PRKCH: variants seen among roughly 807,000 people sequenced by gnomAD.
The protein encoded by PRKCH is protein kinase C eta, also known as protein kinase C eta type.
PRKCH carries 28 observed loss-of-function variants against 82.5 expected under a neutral mutation model. The ratio of observed to expected loss-of-function variants is 0.34; its 90% CI spans 0.25 to 0.47. The LOEUF (loss-of-function observed/expected upper bound fraction) is 0.47. Among genes scored for constraint, PRKCH ranks in the 20% least tolerant of loss-of-function variants. The pLI, the probability that PRKCH is intolerant of heterozygous loss-of-function variation, is 1.00. For missense variants in PRKCH, 705 were observed against 881.8 expected (o/e 0.80, Z 2.54); for synonymous variants, 322 against 327.4 (o/e 0.98, Z 0.18).
intron 1 of PRKCH, among the ~76,000 whole-genome samples, chr14:61,276,206 A>T (rs1416533825): frequency 1.3e-5 from 2 of 152,116 alleles, no homozygotes; most frequent in African/African-American, 4.8e-5. Context: ...GAGGAGACTT[A>T]AGAGACATTT....
intron 1 of PRKCH, among the ~76,000 whole-genome samples, chr14:61,377,220 A>G (rs538743393): frequency 6.6e-6 from 1 of 152,194 alleles, no homozygotes; most frequent in South Asian, 2.1e-4. Context: ...CCCACCTCTC[A>G]GATTGTATTT....
At chr14:61,371,927 G>T (rs1394857352) in intron 1 of PRKCH, among the ~76,000 whole-genome samples, 1 of 152,066 alleles carries the variant, frequency 6.6e-6, no homozygotes, top group East Asian at 1.9e-4. Flanking sequence ...ATTTGTATCA[G>T]TATGGACTCA....
intron 1 of PRKCH, among the ~76,000 whole-genome samples, chr14:61,207,951 G>A (rs1489863751): frequency 6.6e-6 from 1 of 152,178 alleles, no homozygotes; most frequent in African/African-American, 2.4e-5. Context: ...AGCCTGACAT[G>A]GACATTAGTC....
intron 2 of PRKCH, among the ~76,000 whole-genome samples, chr14:61,413,697 A>C (rs1882407142): frequency 6.6e-6 from 1 of 151,774 alleles, no homozygotes; most frequent in Non-Finnish European, 1.5e-5. Flanking sequence ...TCCTCCTCCT[A>C]AAAATCTCCT....
intron 1 of PRKCH, among the ~76,000 whole-genome samples, chr14:61,361,412 C>G (rs994188482): frequency 6.6e-6 from 1 of 152,152 alleles, no homozygotes; most frequent in Non-Finnish European, 1.5e-5. Flanking sequence ...GAGCAGCTTT[C>G]TAACCAACAT....
intron 4 of PRKCH, 101 bp from the exon 5 acceptor site, chr14:61,449,063 G>A: frequency 9.3e-7 from 1 of 1,072,864 alleles, no homozygotes; most frequent in East Asian, 2.5e-5. Flanking sequence ...GGCCAGACGA[G>A]TCCAGTCTTG....
intron 9 of PRKCH, among the ~76,000 whole-genome samples, chr14:61,473,807 A>G (rs1309931687): frequency 6.6e-6 from 1 of 152,182 alleles, no homozygotes; most frequent in Non-Finnish European, 1.5e-5. Context: ...AGCCTGGCCA[A>G]CATGGCAAAA....
chr14:61,450,709 G>A, intron 5 of PRKCH, 133 bp from the exon 6 acceptor site: 1 of 1,046,708 alleles, frequency 9.6e-7, no homozygotes. Context: ...AATCAGGGCT[G>A]AGTACAGTAA....
intron 2 of PRKCH, among the ~76,000 whole-genome samples, chr14:61,426,361 A>AATT (rs35378046): frequency 1 from 152,286 of 152,334 alleles, 76,119 homozygotes; most frequent in Non-Finnish European, 1. Flanking sequence ...TTAATGTCAG[A>AATT]ATTTTCTTAG....
At chr14:61,496,762 T>C (rs539436579) in intron 10 of PRKCH, among the ~76,000 whole-genome samples, 2 of 152,330 alleles carry the variant, frequency 1.3e-5, no homozygotes, top group African/African-American at 2.4e-5. Flanking sequence ...AGGCCTCAAA[T>C]TCTACGCTTT....
intron 10 of PRKCH, among the ~76,000 whole-genome samples, chr14:61,510,042 T>A (rs1781106672): frequency 6.6e-6 from 1 of 152,086 alleles, no homozygotes; most frequent in Non-Finnish European, 1.5e-5. Context: ...AAGTCCATGC[T>A]AGGTAGACAT....
Position 61,295,813 on chromosome 14 carries a change from A to G in PRKCH, c.-19+108145A>G, listed in dbSNP as rs140933993. Among the ~76,000 whole-genome samples the G allele has an allele frequency of 9.0e-4, 136 of 151,826 alleles. 1 individual carries two copies. Among genetic ancestry groups the G allele is most frequent in the African/African-American group, 3.0e-3 (124 of 41,494 alleles). ...CCATTTGTGGAAATCATTGTTTCGA[A>G]TGCTCTCTGCATAAAGTGATAACCC... On this transcript the variant is annotated intron_variant, in intron 1 of 3. Coordinates refer to the PRKCH transcript ENST00000555185.
intron 1 of PRKCH, among the ~76,000 whole-genome samples, chr14:61,189,516 C>CTT (rs1182203035): frequency 6.6e-6 from 1 of 151,828 alleles, no homozygotes; most frequent in Non-Finnish European, 1.5e-5. Flanking sequence ...CTCTCTCTCT[C>CTT]TCTCTCCCCT....
chr14:61,515,166 C>T (rs1397793600), intron 10 of PRKCH, among the ~76,000 whole-genome samples: 2 of 152,172 alleles, frequency 1.3e-5, no homozygotes, highest in Non-Finnish European at 2.9e-5. Flanking sequence ...AAGCAATAGA[C>T]AGGGAGGGGG....
intron 2 of PRKCH, among the ~76,000 whole-genome samples, chr14:61,404,085 A>T (rs897903874): frequency 2.0e-5 from 3 of 152,152 alleles, no homozygotes; most frequent in Non-Finnish European, 4.4e-5. Context: ...TTTCCCTAAT[A>T]ACACCCTGTG....
intron 1 of PRKCH, among the ~76,000 whole-genome samples, chr14:61,204,226 A>T (rs2044505247): frequency 6.6e-6 from 1 of 152,142 alleles, no homozygotes; most frequent in African/African-American, 2.4e-5. Flanking sequence ...ACTTACTTGT[A>T]TTATCAAGCT....
chr14:61,272,344 C>CTTTTTTTTTTTT (rs1162331604), intron 1 of PRKCH, among the ~76,000 whole-genome samples: 13 of 23,574 alleles, frequency 5.5e-4, no homozygotes, highest in African/African-American at 1.4e-3. Flanking sequence ...TTTTTTCTTT[C>CTTTTTTTTTTTT]TTTTTTTTTT....
At chr14:61,258,062 C>T (rs1366058448) in intron 1 of PRKCH, among the ~76,000 whole-genome samples, 2 of 151,956 alleles carry the variant, frequency 1.3e-5, no homozygotes, top group Non-Finnish European at 2.9e-5. Context: ...GCCATGGGCA[C>T]TTTAGCCACC....
intron 12 of PRKCH, among the ~76,000 whole-genome samples, chr14:61,537,300 A>G (rs896887877): frequency 3.3e-5 from 5 of 152,356 alleles, no homozygotes; most frequent in South Asian, 2.1e-4. Context: ...TATGACGATG[A>G]CACACACATT....
Sources: gnomAD v4.1 joint callset for allele counts (sites outside exome capture counted in the v4.1 genomes callset) on GRCh38, gnomAD v4.1.1 for gene constraint, MANE v1.5 for transcripts, NCBI Gene and HGNC (gene_info 2026-07-23, HGNC 2026-07-21) for gene names.